DNAH7: variants seen among roughly 807,000 people sequenced by gnomAD.
DNAH7 encodes the protein axonemal beta dynein heavy chain 7.
DNAH7 carries 397 observed loss-of-function variants against 444.6 expected under a neutral mutation model. The ratio of observed to expected loss-of-function variants is 0.89; its 90% CI spans 0.82 to 0.97. The LOEUF (loss-of-function observed/expected upper bound fraction) is 0.97, where lower values mean the gene tolerates loss of function less well. DNAH7 is among the 50% of genes least tolerant of loss of function. DNAH7 has a pLI of 0.00. For missense variants in DNAH7, 4,902 were observed against 4,800.8 expected (o/e 1.02, Z -0.62); for synonymous variants, 1,636 against 1,624.4 (o/e 1.01, Z -0.17).
intron 55 of DNAH7, among the ~76,000 whole-genome samples, chr2:195,798,146 A>C (rs1696252560): frequency 6.6e-6 from 1 of 151,980 alleles, no homozygotes. Flanking sequence ...GCCTTATATC[A>C]ATTTTTTTTG....
intron 15 of DNAH7, among the ~76,000 whole-genome samples, chr2:195,976,743 CAGACAGAGAGAGAGAG>C (rs1692213996): frequency 5.4e-5 from 1 of 18,350 alleles, no homozygotes; most frequent in African/African-American, 1.2e-4. Flanking sequence ...GACAGAGAGG[CAGACAGAGAGAGAGAG>C]AGAGAGAGAG....
In DNAH7 at chr2:195,740,752, T is replaced by C. The variant is rs773273931; in HGVS notation, c.11868+14A>G. The stretch of plus-strand genomic sequence containing the variant: ...AAATAATTCCACATGTATATATAAT[T>C]AGAATTTACTAACCACAGGCACTGT... On this transcript the variant is annotated intron_variant, in intron 64 of 64. Coordinates refer to ENST00000312428, the MANE Select transcript of DNAH7 (RefSeq NM_018897.3). The C allele has an allele frequency of 7.5e-6, 10 of 1,332,012 alleles. No individual in the cohort carries two copies. Among genetic ancestry groups the C allele is most frequent in the African/African-American group, 1.5e-5 (1 of 66,456 alleles). The allele number at this position is 1,332,012 out of a possible 1,614,324, so 82.5% of individuals were successfully genotyped here. A position where few individuals can be genotyped will look rare whatever the true frequency, so the allele number is the denominator to read the frequency against.
chr2:195,796,833 T>G, intron 55 of DNAH7, 96 bp from the exon 56 acceptor site: 1 of 1,330,326 alleles, frequency 7.5e-7, no homozygotes, highest in East Asian at 2.5e-5. Flanking sequence ...TATTACAACT[T>G]AATTGGGTCA....
chr2:195,891,777 T>G lies in DNAH7; in HGVS notation c.4924A>C (p.Ile1642Leu). 6.3e-7 allele frequency: 1 copy of G among 1,596,932 alleles called. No individual in the cohort carries two copies. The change falls in exon 31 of 65, where the codon ATA (isoleucine) becomes CTA (leucine). Residue 1642 changes from isoleucine (I) to leucine (L), a missense_variant. Physicochemically the swap from Ile to Leu is conservative, Grantham distance 5 (BLOSUM62 2). Transcript: ENST00000312428. Reference protein sequence around the residue: ...KGLMEENKVQITVLNPKSVTM... With the variant: ...KGLMEENKVQLTVLNPKSVTM... ...ACAGACTTAGGATTTAAAACAGTTA[T>G]TTGAACTTTGTTTTCTTCCATTAGC...
chr2:196,060,354 A>C (rs547516110), intron 1 of DNAH7, among the ~76,000 whole-genome samples: 2 of 152,300 alleles, frequency 1.3e-5, no homozygotes, highest in African/African-American at 4.8e-5. Flanking sequence ...TTCCAAAATA[A>C]TGAGGTTTAT....
intron 17 of DNAH7, among the ~76,000 whole-genome samples, chr2:195,962,376 A>G (rs747569330): frequency 1.9e-4 from 29 of 152,208 alleles, no homozygotes; most frequent in Admixed American, 8.5e-4. Context: ...TTGTTGAGAC[A>G]GTCTTGCTCT....
chr2:195,777,832 T>A lies in DNAH7; in HGVS notation c.11032A>T (p.Ser3678Cys). The change falls in exon 59 of 65, where the codon AGT becomes TGT. Residue 3678 changes from serine to cysteine, a missense_variant. Coordinates refer to ENST00000312428, the MANE Select transcript of DNAH7 (RefSeq NM_018897.3). ...GAAGGAGGAACAAAATAGATGCCAC[T>A]TGAGTCGAACTTATAGTCTGAATTT... ...VENSDYKFDS[S>C]GIYFVPPSGD... is the part of the protein sequence containing the mutation. The A allele has an allele frequency of 6.2e-7, 1 of 1,613,822 alleles. No homozygotes were observed. Among genetic ancestry groups the A allele is most frequent in the Non-Finnish European group, 8.5e-7 (1 of 1,179,752 alleles).
At chr2:195,789,815 T>C (rs567095134) in intron 57 of DNAH7, among the ~76,000 whole-genome samples, 1 of 144,448 alleles carries the variant, frequency 6.9e-6, no homozygotes, top group South Asian at 2.3e-4. Flanking sequence ...AGAGAGGAAG[T>C]CCTAGCCAGA....
intron 1 of DNAH7, chr2:196,063,343 T>C (rs1037396623): frequency 2.0e-5 from 3 of 152,214 alleles, no homozygotes; most frequent in Non-Finnish European, 4.4e-5. Context: ...GTTCAACATA[T>C]TGGGTATCAG....
At chr2:196,044,199 A>ATGTG (rs1219928976) in intron 5 of DNAH7, among the ~76,000 whole-genome samples, 6 of 82,856 alleles carry the variant, frequency 7.2e-5, no homozygotes, top group South Asian at 4.4e-4. Flanking sequence ...TTATATATAT[A>ATGTG]TATATGTGTG....
At chr2:195,930,998 G>C (rs1024535508) in intron 21 of DNAH7, among the ~76,000 whole-genome samples, 8 of 152,138 alleles carry the variant, frequency 5.3e-5, no homozygotes, top group Admixed American at 2.0e-4. Flanking sequence ...GGTCACAGAT[G>C]GGAATGGCAA....
At chr2:195,952,898 G>A (rs964711919) in intron 19 of DNAH7, among the ~76,000 whole-genome samples, 1 of 152,118 alleles carries the variant, frequency 6.6e-6, no homozygotes, top group African/African-American at 2.4e-5. Flanking sequence ...GCTTGGAGGA[G>A]TTTGTTATTA....
rs7590498 is a variant in DNAH7, at chr2:196,068,462, G to A, written c.15+235C>T. On this transcript the variant is annotated intron_variant, in intron 1 of 64. Transcript: ENST00000312428. ...CTGTGGCTCCCCCTGCTGGCGCGCC[G>A]CTAGGCGGCTAGGTTTGGTTGTTAT... 948 of 573,600 alleles carry A rather than the reference G, an allele frequency of 1.7e-3. 8 individuals are homozygous for A. Among genetic ancestry groups the A allele is most frequent in the African/African-American group, 0.014 (749 of 52,120 alleles). 35.5% of individuals were successfully genotyped at this position (573,600 alleles called of 1,614,324 possible).
chr2:195,875,834 C>T lies in DNAH7; in HGVS notation c.6127G>A (p.Val2043Ile), dbSNP rs1270515363. Residue 2043 changes from valine to isoleucine, a missense_variant, in exon 38 of 65, where the codon GTA (valine) becomes ATA (isoleucine). Coordinates refer to ENST00000312428, the MANE Select transcript of DNAH7 (RefSeq NM_018897.3). ...CGAGCAGGCATATTGACATCATCTACAAAGACAACCTGAGAATGAGAAGAG... is the reference window on the plus strand; with the variant it reads ...CGAGCAGGCATATTGACATCATCTATAAAGACAACCTGAGAATGAGAAGAG... ...PPLGKRMVVF[V>I]DDVNMPAREV... The T allele has an allele frequency of 1.2e-6, 2 of 1,600,614 alleles. No individual in the cohort carries two copies. The highest frequency in any genetic ancestry group is 2.7e-5 in the African/African-American group (2 of 74,214).
chr2:195,794,489 C>T lies in DNAH7; in HGVS notation c.10565G>A (p.Ser3522Asn), dbSNP rs1420484287. The stretch of plus-strand genomic sequence containing the variant: ...CACAGGGAAATTTGGAGATGGGTAA[C>T]TCGTTAGCCACATTCGGAAATCTGG... ...THPDFRMWLT[S>N]YPSPNFPVSV... is the part of the protein sequence containing the mutation. Residue 3522 changes from serine to asparagine, a missense_variant, in exon 57 of 65, where the codon AGT (serine) becomes AAT (asparagine). Physicochemically the swap from Ser to Asn is conservative, Grantham distance 46 (BLOSUM62 1). Transcript: ENST00000312428. The T allele has an allele frequency of 6.2e-7, 1 of 1,614,122 alleles. No individual in the cohort carries two copies. The highest frequency in any genetic ancestry group is 8.5e-7 in the Non-Finnish European group (1 of 1,180,016).
intron 35 of DNAH7, 28 bp downstream of exon 35, chr2:195,884,557 G>T: frequency 6.4e-7 from 1 of 1,570,502 alleles, no homozygotes. Flanking sequence ...CAGGCTGGCA[G>T]CTGCAAATCT....
intron 15 of DNAH7, among the ~76,000 whole-genome samples, chr2:195,978,130 C>CTA (rs927252063): frequency 7.2e-5 from 11 of 151,798 alleles, no homozygotes; most frequent in East Asian, 3.9e-4. Context: ...GGTGTGTAAA[C>CTA]TATATATATA....
intron 12 of DNAH7, chr2:195,999,277 A>G (rs1693897288): frequency 4.2e-6 from 3 of 709,404 alleles, no homozygotes; most frequent in Middle Eastern, 2.3e-4. Context: ...GGTTGCCTTA[A>G]GAATTTGTAA....
intron 46 of DNAH7, among the ~76,000 whole-genome samples, chr2:195,847,817 C>T (rs1699101048): frequency 6.6e-6 from 1 of 152,104 alleles, no homozygotes; most frequent in South Asian, 2.1e-4. Context: ...TTCTGACTCA[C>T]ATGCCCTGCG....
Sources: allele counts gnomAD v4.1 joint callset (sites outside exome capture counted in the v4.1 genomes callset), GRCh38; gene constraint gnomAD v4.1.1; transcripts MANE v1.5; gene names NCBI Gene and HGNC (gene_info 2026-07-23, HGNC 2026-07-21).